Variants in NAALADL2 observed in about 807,000 individuals in gnomAD.
NAALADL2 encodes inactive N-acetylated-alpha-linked acidic dipeptidase-like protein 2.
In NAALADL2, 76 loss-of-function variants were observed where a neutral mutation model predicts 87.2. The ratio of observed to expected loss-of-function variants is 0.87; its 90% CI spans 0.72 to 1.05. The LOEUF is 1.05. Ranked by LOEUF, NAALADL2 falls within the 50% of genes least tolerant of loss-of-function variation. The probability of loss-of-function intolerance (pLI) is 0.00; values close to 1 mark genes in which losing one functional copy is unlikely to be tolerated. For synonymous variants in NAALADL2, 354 were observed against 331.0 expected, an observed-to-expected ratio of 1.07 and a Z score of -0.75; for missense variants, 1,089 against 945.8, an observed-to-expected ratio of 1.15 and a Z score of -1.99.
chr3:174,734,130 A>G (rs1732969331), intron 2 of NAALADL2, among the ~76,000 whole-genome samples: 1 of 152,164 alleles, frequency 6.6e-6, no homozygotes, highest in Non-Finnish European at 1.5e-5. Flanking sequence ...TAAAATTATC[A>G]TTAATTTCTT....
intron 2 of NAALADL2, among the ~76,000 whole-genome samples, chr3:174,646,392 T>C: frequency 6.6e-6 from 1 of 152,158 alleles, no homozygotes; most frequent in East Asian, 1.9e-4. Flanking sequence ...TTTTGCTTTC[T>C]AGTTTGGCTG....
At chr3:174,636,338 T>G (rs1179689120) in intron 2 of NAALADL2, among the ~76,000 whole-genome samples, 1 of 152,094 alleles carries the variant, frequency 6.6e-6, no homozygotes, top group Non-Finnish European at 1.5e-5. Context: ...AGCTGACAAA[T>G]GAGACTATAT....
chr3:174,493,296 T>C (rs1395030054), intron 1 of NAALADL2, among the ~76,000 whole-genome samples: 1 of 152,192 alleles, frequency 6.6e-6, no homozygotes, highest in Non-Finnish European at 1.5e-5. Context: ...TGACTGGTGT[T>C]CTTACTGAAA....
chr3:175,149,919 C>T (rs1028654343), intron 2 of NAALADL2, among the ~76,000 whole-genome samples: 1 of 152,076 alleles, frequency 6.6e-6, no homozygotes, highest in Admixed American at 6.6e-5. Flanking sequence ...AATGCTCAAA[C>T]CCATTGCTTA....
At chr3:174,918,202 A>G (rs1734665488) in intron 1 of NAALADL2, among the ~76,000 whole-genome samples, 1 of 152,150 alleles carries the variant, frequency 6.6e-6, no homozygotes, top group East Asian at 1.9e-4. Context: ...ATAATTTTAT[A>G]AGTTGAGTTT....
intron 1 of NAALADL2, among the ~76,000 whole-genome samples, chr3:174,490,512 A>T (rs1718117220): frequency 6.6e-6 from 1 of 152,156 alleles, no homozygotes; most frequent in Non-Finnish European, 1.5e-5. Context: ...AAAACCACTG[A>T]ATCATAGACT....
chr3:174,902,750 C>G (rs1345909640), intron 1 of NAALADL2, among the ~76,000 whole-genome samples: 1 of 152,050 alleles, frequency 6.6e-6, no homozygotes, highest in Non-Finnish European at 1.5e-5. Context: ...TATTTTTATT[C>G]TGGTATGCTG....
At position 175,283,938 on chromosome 3, in the gene NAALADL2, G is replaced by A. The variant is rs113780170; in HGVS notation, c.939+27408G>A. ...CAAGGAAACCCATTAAAGAAAGAAG[G>A]GAGGACAAAAATGTTCTATTTGCTT... On this transcript the variant is annotated intron_variant, in intron 4 of 13. Coordinates refer to ENST00000454872, the MANE Select transcript of NAALADL2 (RefSeq NM_207015.3). Among the ~76,000 whole-genome samples, 271 of 151,836 alleles carry A rather than the reference G, an allele frequency of 1.8e-3. 1 individual carries two copies. Among genetic ancestry groups the A allele is most frequent in the African/African-American group, 6.1e-3 (253 of 41,434 alleles).
intron 9 of NAALADL2, among the ~76,000 whole-genome samples, chr3:175,488,643 C>T (rs143558878): frequency 2.0e-5 from 3 of 152,274 alleles, no homozygotes; most frequent in Non-Finnish European, 2.9e-5. Context: ...AGAAACTGAA[C>T]TGATTGTGAG....
Position 175,234,012 on chromosome 3 carries a change from A to C in NAALADL2, c.627A>C (p.Leu209=), listed in dbSNP as rs1745419082. 6.2e-7 allele frequency: 1 copy of C among 1,613,598 alleles called. No individual in the cohort carries two copies. Among genetic ancestry groups the C allele is most frequent in the African/African-American group, 1.3e-5 (1 of 74,920 alleles). ...AGACTCAGTGGACCTCTTTGGGCCT[A>C]GAAGATGTACAGTTTGTAAATTACT... is the stretch of plus-strand genomic sequence containing the variant. ...KIKTQWTSLG[L]EDVQFVNYSV... is the part of the protein sequence containing the mutation. Residue 209 remains leucine, a synonymous_variant, in exon 3 of 14, where the codon CTA becomes CTC. Coordinates refer to ENST00000454872, the MANE Select transcript of NAALADL2 (RefSeq NM_207015.3).
At chr3:175,570,411 T>A (rs1290581569) in intron 9 of NAALADL2, among the ~76,000 whole-genome samples, 1 of 152,188 alleles carries the variant, frequency 6.6e-6, no homozygotes, top group African/African-American at 2.4e-5. Context: ...CCCAGCCAAG[T>A]TGACACTTAA....
intron 11 of NAALADL2, among the ~76,000 whole-genome samples, chr3:175,638,846 T>G (rs532046717): frequency 6.6e-6 from 1 of 152,304 alleles, no homozygotes; most frequent in Admixed American, 6.5e-5. Flanking sequence ...ATCCCATAAC[T>G]GAAAATAATG....
At position 174,791,972 on chromosome 3, in the gene NAALADL2, G is replaced by A. The variant is rs1050804808; in HGVS notation, c.-9+54226G>A. Among the ~76,000 whole-genome samples, 20 of 152,262 alleles carry A rather than the reference G, an allele frequency of 1.3e-4. 1 individual carries two copies. The South Asian group carries it at 4.1e-3, about 32-fold the overall frequency. On this transcript the variant is annotated intron_variant, in intron 3 of 3. Coordinates refer to the NAALADL2 transcript ENST00000434257. ...ACCTGTAATCCCAGCACTTTGGGAG[G>A]CCAAGGCAGGTGGATCACTTGAGGC...
intron 9 of NAALADL2, among the ~76,000 whole-genome samples, chr3:175,507,603 T>C (rs1423623351): frequency 6.6e-6 from 1 of 152,088 alleles, no homozygotes; most frequent in African/African-American, 2.4e-5. Flanking sequence ...TTTGTACTTT[T>C]AGTAGAGATG....
chr3:175,018,377 A>C (rs534515825), intron 1 of NAALADL2, among the ~76,000 whole-genome samples: 8 of 152,238 alleles, frequency 5.3e-5, no homozygotes, highest in African/African-American at 1.9e-4. Context: ...AGAAGGCAAC[A>C]AGAGATGGCT....
intron 2 of NAALADL2, among the ~76,000 whole-genome samples, chr3:175,163,637 C>A (rs1190407708): frequency 6.6e-6 from 1 of 152,044 alleles, no homozygotes; most frequent in Non-Finnish European, 1.5e-5. Flanking sequence ...TCATACATGA[C>A]TAGTATAAAA....
intron 2 of NAALADL2, among the ~76,000 whole-genome samples, chr3:174,557,781 A>G (rs532334995): frequency 6.0e-4 from 91 of 152,140 alleles, no homozygotes; most frequent in Admixed American, 9.8e-4. Context: ...TGCTAGGTGG[A>G]CTCACCAGAC....
Position 175,399,926 on chromosome 3 carries a change from A to G in NAALADL2, c.1091-47303A>G, listed in dbSNP as rs138747896. ...TAATCCAACTCTTTATGGTAATGCT[A>G]TAGCATAGATTCCAACATTTTATGT... On this transcript the variant is annotated intron_variant, in intron 5 of 13. Transcript: ENST00000454872. Among the ~76,000 whole-genome samples, 1,522 of 152,248 alleles carry G rather than the reference A, an allele frequency of 1.0e-2. 7 individuals are homozygous for G. The highest frequency in any genetic ancestry group is 0.016 in the Non-Finnish European group (1,055 of 68,006).
intron 1 of NAALADL2, among the ~76,000 whole-genome samples, chr3:174,446,398 GGTA>G (rs1049750800): frequency 2.0e-5 from 3 of 151,800 alleles, no homozygotes; most frequent in Non-Finnish European, 4.4e-5. Flanking sequence ...TTACAATCTT[GGTA>G]TATAAAATTA....
Sources: allele counts gnomAD v4.1 joint callset (sites outside exome capture counted in the v4.1 genomes callset), GRCh38; gene constraint gnomAD v4.1.1; transcripts MANE v1.5; gene names NCBI Gene and HGNC (gene_info 2026-07-23, HGNC 2026-07-21).